Variants in GPHN observed in about 807,000 individuals in gnomAD.
The protein encoded by GPHN is gephyrin.
Under a neutral mutation model 95.5 loss-of-function variants are expected in GPHN, and 17 were observed. The observed-to-expected ratio is 0.18, with a 90% CI of 0.12 to 0.27. The LOEUF (loss-of-function observed/expected upper bound fraction) is 0.27. GPHN is among the 10% of genes least tolerant of loss of function. GPHN has a pLI of 1.00. For missense variants in GPHN, 660 were observed against 978.1 expected (o/e 0.67, Z 4.34); for synonymous variants, 320 against 322.5 (o/e 0.99, Z 0.08).
intron 2 of GPHN, among the ~76,000 whole-genome samples, chr14:66,757,913 T>A (rs2153451262): frequency 6.6e-6 from 1 of 152,260 alleles, no homozygotes; most frequent in South Asian, 2.1e-4. Flanking sequence ...GAATAGAATT[T>A]ATTAAGTGAA....
Position 66,757,057 on chromosome 14 carries a change from T to C in GPHN, c.144-19407T>C, listed in dbSNP as rs112307824. On this transcript the variant is annotated intron_variant, in intron 2 of 22. Transcript: ENST00000478722. ...TTAAAACCAATGCAGTTAGCGGTAA[T>C]AGGGGAGTGAAAGGAGAAGGAAATT... 3.1e-3 allele frequency among the ~76,000 whole-genome samples: 471 copies of C among 152,226 alleles called. 10 individuals are homozygous for C. The highest frequency in any genetic ancestry group is 0.011 in the African/African-American group (444 of 41,546).
At chr14:67,311,563 A>T in the GPHN span, among the ~76,000 whole-genome samples, 1 of 152,192 alleles carries the variant, frequency 6.6e-6, no homozygotes, top group East Asian at 1.9e-4. Flanking sequence ...GTTAGGTAAA[A>T]ATTAGACATG....
chr14:67,624,888 C>A, the GPHN span, among the ~76,000 whole-genome samples: 1 of 152,176 alleles, frequency 6.6e-6, no homozygotes, highest in South Asian at 2.1e-4. Flanking sequence ...TTAACTTGCC[C>A]TGTTCCCATG....
intron 2 of GPHN, among the ~76,000 whole-genome samples, chr14:66,757,365 T>C (rs2058597718): frequency 8.3e-6 from 1 of 121,192 alleles, no homozygotes; most frequent in African/African-American, 4.2e-5. Context: ...CACACACAAA[T>C]ATAAATGGGA....
intron 2 of GPHN, among the ~76,000 whole-genome samples, chr14:66,703,846 T>C (rs2068793189): frequency 6.6e-6 from 1 of 151,748 alleles, no homozygotes; most frequent in Admixed American, 6.6e-5. Flanking sequence ...ATTGGCAAAT[T>C]AATAAATTTT....
At chr14:67,527,875 C>T in the GPHN span, among the ~76,000 whole-genome samples, 2 of 152,198 alleles carry the variant, frequency 1.3e-5, no homozygotes, top group African/African-American at 2.4e-5. Context: ...CCACCCCAGA[C>T]CTCTGGCCTC....
At chr14:67,357,121 G>A in the GPHN span, among the ~76,000 whole-genome samples, 4 of 152,158 alleles carry the variant, frequency 2.6e-5, no homozygotes, top group Non-Finnish European at 4.4e-5. Context: ...GACTTCTGTT[G>A]ACTCCAAATT....
chr14:67,233,381 A>G, the GPHN span, among the ~76,000 whole-genome samples: 1 of 152,170 alleles, frequency 6.6e-6, no homozygotes, highest in Non-Finnish European at 1.5e-5. Flanking sequence ...AGTTCAGGCA[A>G]TCTGCCCACC....
At chr14:67,354,675 GA>G in the GPHN span, among the ~76,000 whole-genome samples, 14 of 152,104 alleles carry the variant, frequency 9.2e-5, no homozygotes, top group Non-Finnish European at 1.8e-4. Context: ...GCAAAGTAAG[GA>G]AAAAATGTGC....
At chr14:66,961,910 A>ATATATATATATATAT (rs2068942878) in intron 8 of GPHN, among the ~76,000 whole-genome samples, 1 of 65,178 alleles carries the variant, frequency 1.5e-5, no homozygotes, top group African/African-American at 5.8e-5. Context: ...GTATATATAT[A>ATATATATATATATAT]TATATATATA....
At chr14:67,301,847 A>C in the GPHN span, 2 of 1,065,956 alleles carry the variant, frequency 1.9e-6, 1 homozygote. Context: ...CTTTATTATT[A>C]GCTCTAATTA....
At chr14:66,604,557 T>G (rs916122826) in intron 1 of GPHN, among the ~76,000 whole-genome samples, 7 of 152,134 alleles carry the variant, frequency 4.6e-5, no homozygotes, top group Admixed American at 1.3e-4. Flanking sequence ...AGTTCCTCTT[T>G]TTAAAAAGAT....
At chr14:67,246,636 T>A in the GPHN span, among the ~76,000 whole-genome samples, 10 of 146,490 alleles carry the variant, frequency 6.8e-5, no homozygotes, top group African/African-American at 2.5e-4. Flanking sequence ...CCACTGAGCC[T>A]GGCCTACTAT....
chr14:67,642,275 G>A, the GPHN span: 1 of 1,614,132 alleles, frequency 6.2e-7, no homozygotes, highest in South Asian at 1.1e-5. Context: ...TCCACGCTCA[G>A]TGGGTCTTGC....
chr14:67,415,274 T>A, the GPHN span, among the ~76,000 whole-genome samples: 11 of 152,218 alleles, frequency 7.2e-5, no homozygotes, highest in South Asian at 1.4e-3. Flanking sequence ...CCTTTTTTTT[T>A]AACTTATAAT....
At chr14:67,176,333 A>G (rs915284380) in intron 21 of GPHN, among the ~76,000 whole-genome samples, 4 of 152,142 alleles carry the variant, frequency 2.6e-5, no homozygotes, top group African/African-American at 9.7e-5. Context: ...TATTGAGATA[A>G]TCATGTGGTT....
intron 1 of GPHN, among the ~76,000 whole-genome samples, chr14:66,598,922 ATAGTTTGGGAGGGAAGGCCG>A (rs2062101077): frequency 4.0e-5 from 6 of 151,286 alleles, no homozygotes; most frequent in African/African-American, 1.2e-4. Context: ...AAACACTGGG[ATAGTTTGGGAGGGAAGGCCG>A]TAGTTTGGGA....
intron 1 of GPHN, among the ~76,000 whole-genome samples, chr14:66,618,956 T>C (rs1197027664): frequency 6.6e-6 from 1 of 152,238 alleles, no homozygotes; most frequent in East Asian, 1.9e-4. Context: ...CCAAACTGTA[T>C]TTTCTTTTTC....
the GPHN span, among the ~76,000 whole-genome samples, chr14:67,406,395 A>T: frequency 2.0e-5 from 3 of 152,270 alleles, no homozygotes; most frequent in South Asian, 6.2e-4. Context: ...CAGGAGTGAT[A>T]CTGGGGCTCA....
Sources: gnomAD v4.1 joint callset for allele counts (sites outside exome capture counted in the v4.1 genomes callset) on GRCh38, gnomAD v4.1.1 for gene constraint, MANE v1.5 for transcripts, NCBI Gene and HGNC (gene_info 2026-07-23, HGNC 2026-07-21) for gene names.